AOPEP: variants seen among roughly 807,000 people sequenced by gnomAD.
The protein encoded by AOPEP is aminopeptidase O.
In AOPEP, 77 loss-of-function variants were observed where a neutral mutation model predicts 98.1. That is an observed-to-expected ratio of 0.78 (90% CI 0.65 to 0.95). AOPEP has a LOEUF of 0.95. Among genes scored for constraint, AOPEP ranks in the 40% least tolerant of loss-of-function variants. The pLI, the probability that AOPEP is intolerant of heterozygous loss-of-function variation, is 0.00. For synonymous variants in AOPEP, 346 were observed against 365.3 expected (o/e 0.95, Z 0.60); for missense variants, 1,024 against 1,024.7 (o/e 1.00, Z 0.01).
the AOPEP span, among the ~76,000 whole-genome samples, chr9:95,115,883 A>G: frequency 6.6e-6 from 1 of 152,282 alleles, no homozygotes; most frequent in East Asian, 1.9e-4. Context: ...ATCCTCTTTT[A>G]CACCCCTCTC....
At chr9:94,801,143 GC>G (rs1238185249) in intron 5 of AOPEP, 141 bp downstream of exon 5, 1 of 984,726 alleles carries the variant, frequency 1.0e-6, no homozygotes, top group Non-Finnish European at 1.6e-6. Flanking sequence ...ACATCTCATT[GC>G]TGCCTTGAGG....
intron 5 of AOPEP, among the ~76,000 whole-genome samples, chr9:94,863,678 AGTGCTGGGATTACAGACG>A (rs1199000507): frequency 1.3e-5 from 2 of 152,174 alleles, no homozygotes; most frequent in African/African-American, 4.8e-5. Flanking sequence ...GGCCTCCCAA[AGTGCTGGGATTACAGACG>A]TGAGCCACCA....
At chr9:94,731,812 T>C (rs1308642137) in intron 1 of AOPEP, among the ~76,000 whole-genome samples, 3 of 148,188 alleles carry the variant, frequency 2.0e-5, no homozygotes, top group Non-Finnish European at 4.5e-5. Flanking sequence ...TTTTTTTTTT[T>C]TGAGACGGAG....
In AOPEP at chr9:94,972,866, G is replaced by A. The variant is rs1466063659; in HGVS notation, c.1916+5065G>A. On this transcript the variant is annotated intron_variant, in intron 10 of 16. Coordinates refer to ENST00000375315, the MANE Select transcript of AOPEP (RefSeq NM_001193329.3). This position sits in a 1 kb window ranked among gnomAD's most constrained non-coding sequence, Gnocchi z 4.2. ...AGGTGGGAGGATGGCTTGAGTCCAGGCGTTTGAGGCTGCAATGAGCTGAGA... is the reference window on the plus strand; with the variant it reads ...AGGTGGGAGGATGGCTTGAGTCCAGACGTTTGAGGCTGCAATGAGCTGAGA... Among the ~76,000 whole-genome samples, 1 of 152,040 alleles carries A rather than the reference G, an allele frequency of 6.6e-6. No homozygotes were observed. Among genetic ancestry groups the A allele is most frequent in the Non-Finnish European group, 1.5e-5 (1 of 68,018 alleles).
At chr9:94,758,134 A>G (rs904559103) in intron 1 of AOPEP, among the ~76,000 whole-genome samples, 1 of 152,206 alleles carries the variant, frequency 6.6e-6, no homozygotes, top group Non-Finnish European at 1.5e-5. Flanking sequence ...GGTTGCACTT[A>G]AACTGGGACA....
intron 7 of AOPEP, chr9:94,933,435 G>T: frequency 1.0e-6 from 1 of 985,438 alleles, no homozygotes; most frequent in Non-Finnish European, 1.2e-6. Flanking sequence ...TCAAGCTCCT[G>T]CTGAGGAAAA....
intron 5 of AOPEP, among the ~76,000 whole-genome samples, chr9:94,909,694 G>A (rs942664958): frequency 1.3e-5 from 2 of 152,214 alleles, no homozygotes; most frequent in Non-Finnish European, 2.9e-5. Flanking sequence ...ATACGCTGAT[G>A]TCTGCCCTAG....
chr9:94,914,399 CTGCTT>C (rs2052505021), intron 5 of AOPEP, among the ~76,000 whole-genome samples: 1 of 152,170 alleles, frequency 6.6e-6, no homozygotes, highest in African/African-American at 2.4e-5. Context: ...CAGGTTTTGC[CTGCTT>C]CTCGGATTTC....
chr9:94,861,878 A>G (rs913105852), intron 5 of AOPEP, among the ~76,000 whole-genome samples: 8 of 152,186 alleles, frequency 5.3e-5, no homozygotes, highest in Admixed American at 5.2e-4. Flanking sequence ...CTGCGAGTGA[A>G]GGCTGCACTA....
chr9:94,951,919 C>T (rs2058125791), intron 7 of AOPEP, among the ~76,000 whole-genome samples: 1 of 152,186 alleles, frequency 6.6e-6, no homozygotes. Context: ...AGAACCCCAC[C>T]CAGCATGGAA....
chr9:95,041,561 G>T (rs1438427740), intron 13 of AOPEP, among the ~76,000 whole-genome samples: 2 of 151,582 alleles, frequency 1.3e-5, no homozygotes, highest in African/African-American at 2.4e-5. Context: ...CAACTCTTCT[G>T]CACTTAATGA....
intron 5 of AOPEP, among the ~76,000 whole-genome samples, chr9:94,875,347 G>GAAAAAAAAAAAAAAAAAAAAAA (rs71366265): frequency 1.4e-5 from 1 of 71,526 alleles, no homozygotes; most frequent in Non-Finnish European, 2.6e-5. Context: ...AATTGAGCAA[G>GAAAAAAAAAAAAAAAAAAAAAA]AAAAAAAAAA....
chr9:95,085,467 C>T lies in AOPEP; in HGVS notation c.*5-1215C>T, dbSNP rs773727004. 5.6e-6 allele frequency: 3 copies of T among 533,252 alleles called. No individual in the cohort carries two copies. The East Asian group carries it at 1.6e-4, about 29-fold the overall frequency. The allele number at this position is 533,252 out of a possible 1,614,324, so 33.0% of individuals were successfully genotyped here. A position where few individuals can be genotyped will look rare whatever the true frequency, so the allele number is the denominator to read the frequency against. On this transcript the variant is annotated intron_variant, in intron 16 of 16. Transcript: ENST00000375315. ...ATGACCTCTCTAACAAGGTGCAGAG[C>T]TTAGCTGATTGGTGAACAGTGATTG...
At chr9:94,799,728 G>A (rs1160583148) in intron 4 of AOPEP, among the ~76,000 whole-genome samples, 7 of 152,070 alleles carry the variant, frequency 4.6e-5, no homozygotes, top group Non-Finnish European at 8.8e-5. Flanking sequence ...CAGGCGTGGT[G>A]GCACACACGT....
intron 1 of AOPEP, among the ~76,000 whole-genome samples, chr9:94,728,504 C>A (rs188471393): frequency 6.6e-6 from 1 of 152,062 alleles, no homozygotes; most frequent in African/African-American, 2.4e-5. Context: ...TGTGCCCGGT[C>A]GAGGACAGTT....
chr9:95,050,251 A>G (rs971000216), intron 13 of AOPEP, among the ~76,000 whole-genome samples: 7 of 152,230 alleles, frequency 4.6e-5, no homozygotes, highest in Admixed American at 2.6e-4. Flanking sequence ...TGTCCTATGT[A>G]ATGTAGGAAA....
At chr9:95,026,429 A>G (rs2063840650) in intron 13 of AOPEP, among the ~76,000 whole-genome samples, 2 of 152,156 alleles carry the variant, frequency 1.3e-5, no homozygotes, top group South Asian at 2.1e-4. Flanking sequence ...TGGACATTTC[A>G]TATCAGTGGA....
At chr9:95,117,702 T>G in the AOPEP span, among the ~76,000 whole-genome samples, 1 of 151,464 alleles carries the variant, frequency 6.6e-6, no homozygotes, top group African/African-American at 2.4e-5. Context: ...AAAGCCGTTG[T>G]GAGATGTTAG....
chr9:94,821,970 AACACAC>A (rs34645632), intron 5 of AOPEP, among the ~76,000 whole-genome samples: 1,761 of 141,454 alleles, frequency 0.012, 31 homozygotes, highest in African/African-American at 0.04. Flanking sequence ...TGTGTGTGTA[AACACAC>A]ACACACACAC....
Sources: gnomAD v4.1 joint callset for allele counts (sites outside exome capture counted in the v4.1 genomes callset) on GRCh38, gnomAD v4.1.1 for gene constraint, Gnocchi (gnomAD v3.1) non-coding constraint, MANE v1.5 for transcripts, NCBI Gene and HGNC (gene_info 2026-07-23, HGNC 2026-07-21) for gene names.